Variants in PRSS23 observed in about 807,000 individuals in gnomAD.
PRSS23 encodes the protein serine protease 23.
PRSS23 carries 25 observed loss-of-function variants against 34.7 expected under a neutral mutation model. That is an observed-to-expected ratio of 0.72 (90% CI 0.53 to 1.01). The LOEUF (loss-of-function observed/expected upper bound fraction) is 1.01. Among genes scored for constraint, PRSS23 ranks in the 50% least tolerant of loss-of-function variants. The pLI is 0.00. For missense variants in PRSS23, 445 were observed against 475.6 expected (o/e 0.94, Z 0.60); for synonymous variants, 176 against 186.6 (o/e 0.94, Z 0.46).
chr11:86,817,591 G>C (rs1948223327), intron 1 of PRSS23, among the ~76,000 whole-genome samples: 2 of 152,146 alleles, frequency 1.3e-5, no homozygotes, highest in Admixed American at 1.3e-4. Context: ...TCACTATTCA[G>C]CTCTCCTGTT....
chr11:86,879,615 C>G (rs1478985655), intron 2 of PRSS23, among the ~76,000 whole-genome samples: 2 of 140,224 alleles, frequency 1.4e-5, no homozygotes, highest in Non-Finnish European at 3.2e-5. Flanking sequence ...GCCCGGCCGC[C>G]CCTACTGGGA....
chr11:86,837,054 T>C lies in PRSS23; in HGVS notation c.206+13461T>C, dbSNP rs1193935340. ...CTGTACACACCTGCCTTAGAGACAC[T>C]AGATTCAAGAATGTTCCAAGAACCA... On this transcript the variant is annotated intron_variant, in intron 2 of 2. Transcript: ENST00000533902. The C allele has an allele frequency of 2.0e-5, 3 of 152,194 alleles. No individual in the cohort carries two copies. The East Asian group carries it at 5.8e-4, about 29-fold the overall frequency. 9.4% of individuals were successfully genotyped at this position (152,194 alleles called of 1,614,324 possible).
downstream of PRSS23, among the ~76,000 whole-genome samples, chr11:86,815,080 C>T (rs1459390658): frequency 6.6e-6 from 1 of 152,126 alleles, no homozygotes; most frequent in Non-Finnish European, 1.5e-5. Context: ...GAAGTGTTTG[C>T]CTTGGAGAGA....
At chr11:86,893,041 A>C (rs1431768628) in intron 2 of PRSS23, among the ~76,000 whole-genome samples, 1 of 152,192 alleles carries the variant, frequency 6.6e-6, no homozygotes, top group African/African-American at 2.4e-5. Flanking sequence ...GTGGGGCCTA[A>C]ATCCAATGGC....
At chr11:86,815,183 T>A (rs550450958), downstream of PRSS23, among the ~76,000 whole-genome samples, 2 of 152,240 alleles carry the variant, frequency 1.3e-5, no homozygotes, top group South Asian at 4.2e-4. Flanking sequence ...TGCCATCCAA[T>A]GAGATGTCTT....
intron 2 of PRSS23, chr11:86,949,460 A>T (rs763856002): frequency 2.0e-5 from 3 of 152,102 alleles, no homozygotes; most frequent in Non-Finnish European, 4.4e-5. Flanking sequence ...TAAGGCATGA[A>T]TTAATAAATA....
At chr11:86,792,065 A>G (rs754490) in intron 1 of PRSS23, among the ~76,000 whole-genome samples, 26,959 of 151,978 alleles carry the variant, frequency 0.18, 2,580 homozygotes, top group Middle Eastern at 0.24. Context: ...GGCTTTCCCA[A>G]TGTGCTGATT....
chr11:86,830,458 C>T (rs1948344616), intron 2 of PRSS23, among the ~76,000 whole-genome samples: 1 of 152,200 alleles, frequency 6.6e-6, no homozygotes, highest in African/African-American at 2.4e-5. Context: ...TGAGGCAGTG[C>T]CTCGCCCTGC....
At position 86,906,946 on chromosome 11, in the gene PRSS23, G is replaced by C. The variant is rs543152081; in HGVS notation, c.207-44270G>C. Among the ~76,000 whole-genome samples, 7 of 152,128 alleles carry C rather than the reference G, an allele frequency of 4.6e-5. No homozygotes were observed. The East Asian group carries it at 1.4e-3, about 29-fold the overall frequency. ...TTTCCATCCATTTTACCCGGTGATA[G>C]ATTCCGGCTGATGTCAGGGAACTCA... On this transcript the variant is annotated intron_variant, in intron 2 of 2. Transcript: ENST00000533902.
At chr11:86,883,652 A>G (rs1408336481) in intron 2 of PRSS23, among the ~76,000 whole-genome samples, 1 of 152,222 alleles carries the variant, frequency 6.6e-6, no homozygotes, top group African/African-American at 2.4e-5. Context: ...ATGGGATCTA[A>G]TTAAACTAAA....
chr11:86,853,741 T>TA (rs1948548308), intron 2 of PRSS23, among the ~76,000 whole-genome samples: 1 of 152,156 alleles, frequency 6.6e-6, no homozygotes, highest in Non-Finnish European at 1.5e-5. Flanking sequence ...TTTTGGGAGG[T>TA]ACCCACGAAT....
chr11:86,852,886 C>A (rs1235732172), intron 2 of PRSS23, among the ~76,000 whole-genome samples: 8 of 152,136 alleles, frequency 5.3e-5, no homozygotes, highest in African/African-American at 1.9e-4. Flanking sequence ...CAGAATCTTT[C>A]TCTGTCGCCC....
intron 2 of PRSS23, chr11:86,946,324 T>C (rs985093081): frequency 6.6e-6 from 1 of 152,200 alleles, no homozygotes; most frequent in Non-Finnish European, 1.5e-5. Flanking sequence ...AGTGGTCATG[T>C]ACTGAATATT....
chr11:86,882,900 T>C (rs539382848), intron 2 of PRSS23, among the ~76,000 whole-genome samples: 61 of 152,350 alleles, frequency 4.0e-4, no homozygotes, highest in African/African-American at 1.4e-3. Context: ...ACATTCTGAC[T>C]GGTGTGAGAT....
chr11:86,931,919 T>C (rs1370255689), intron 2 of PRSS23, among the ~76,000 whole-genome samples: 4 of 152,196 alleles, frequency 2.6e-5, no homozygotes, highest in African/African-American at 4.8e-5. Flanking sequence ...TGGTGCCCTA[T>C]TATTGGGGAC....
chr11:86,927,576 A>G (rs1366987818), intron 2 of PRSS23, among the ~76,000 whole-genome samples: 1 of 152,076 alleles, frequency 6.6e-6, no homozygotes, highest in African/African-American at 2.4e-5. Flanking sequence ...TGAACTCCTA[A>G]GCTCAAGCAG....
chr11:86,835,053 T>G (rs1948394188), intron 2 of PRSS23, among the ~76,000 whole-genome samples: 1 of 152,230 alleles, frequency 6.6e-6, no homozygotes, highest in African/African-American at 2.4e-5. Flanking sequence ...GACAGTTATA[T>G]TCTACCTTTT....
chr11:86,840,265 G>A (rs1361550060), intron 2 of PRSS23, among the ~76,000 whole-genome samples: 3 of 152,086 alleles, frequency 2.0e-5, no homozygotes, highest in Admixed American at 2.0e-4. Flanking sequence ...GATCTACCAA[G>A]CAAATGGAAA....
At chr11:86,887,625 C>T (rs760627689) in intron 2 of PRSS23, among the ~76,000 whole-genome samples, 28 of 152,168 alleles carry the variant, frequency 1.8e-4, no homozygotes, top group Non-Finnish European at 3.5e-4. Context: ...CCAGGAATCA[C>T]ATTCAATTCC....
Sources: allele counts gnomAD v4.1 joint callset (sites outside exome capture counted in the v4.1 genomes callset), GRCh38; gene constraint gnomAD v4.1.1; transcripts MANE v1.5; gene names NCBI Gene and HGNC (gene_info 2026-07-23, HGNC 2026-07-21).